The following PTPN1 variants were observed in gnomAD, a reference collection of about 807,000 sequenced individuals.
PTPN1 encodes the protein protein tyrosine phosphatase non-receptor type 1, also known as tyrosine-protein phosphatase non-receptor type 1.
PTPN1 carries 12 observed loss-of-function variants against 59.9 expected under a neutral mutation model. The observed-to-expected ratio is 0.20, with a 90% CI of 0.13 to 0.32. The LOEUF is 0.32. Among genes scored for constraint, PTPN1 ranks in the 10% least tolerant of loss-of-function variants. The pLI, the probability that PTPN1 is intolerant of heterozygous loss-of-function variation, is 1.00. For synonymous variants in PTPN1, 178 were observed against 203.6 expected (o/e 0.87, Z 1.07); for missense variants, 356 against 549.2 (o/e 0.65, Z 3.52).
intron 1 of PTPN1, among the ~76,000 whole-genome samples, chr20:50,537,578 C>T (rs2082629612): frequency 6.6e-6 from 1 of 152,132 alleles, no homozygotes; most frequent in Non-Finnish European, 1.5e-5. Context: ...TGATTCAATT[C>T]TAGGTTGTTT....
chr20:50,567,056 G>A (rs1207155950), intron 3 of PTPN1, among the ~76,000 whole-genome samples: 1 of 152,218 alleles, frequency 6.6e-6, no homozygotes. Flanking sequence ...ATGAGCTCAG[G>A]AAAGAAAGTG....
At chr20:50,578,763 T>TAATAA in intron 6 of PTPN1, 134 bp downstream of exon 6, 2 of 757,608 alleles carry the variant, frequency 2.6e-6, no homozygotes, top group South Asian at 3.7e-5. Context: ...TTTGCGTTAC[T>TAATAA]AATAAAGGCG....
At chr20:50,572,398 C>T (rs1026926300) in intron 4 of PTPN1, 1 of 152,214 alleles carries the variant, frequency 6.6e-6, no homozygotes, top group Non-Finnish European at 1.5e-5. Flanking sequence ...TTGCTGTAGA[C>T]ACCTGAGAGT....
chr20:50,576,089 C>T (rs2082835387), intron 5 of PTPN1, among the ~76,000 whole-genome samples: 1 of 152,186 alleles, frequency 6.6e-6, no homozygotes, highest in African/African-American at 2.4e-5. Context: ...CCGGAGTCAC[C>T]AGCCCTGCCA....
intron 1 of PTPN1, among the ~76,000 whole-genome samples, chr20:50,525,877 A>C (rs2082572939): frequency 6.6e-6 from 1 of 152,176 alleles, no homozygotes; most frequent in Admixed American, 6.5e-5. Flanking sequence ...GCTCCTTGAC[A>C]GAATCACTGA....
chr20:50,533,100 AT>A (rs1203028234), intron 1 of PTPN1, among the ~76,000 whole-genome samples: 10 of 150,066 alleles, frequency 6.7e-5, no homozygotes, highest in Non-Finnish European at 1.5e-4. Context: ...GACTCTCCTG[AT>A]TTTGAAATAA....
At chr20:50,532,164 C>A (rs2082604299) in intron 1 of PTPN1, among the ~76,000 whole-genome samples, 1 of 152,188 alleles carries the variant, frequency 6.6e-6, no homozygotes, top group African/African-American at 2.4e-5. Context: ...ACTACAATGG[C>A]CTGCAAAATA....
intron 6 of PTPN1, among the ~76,000 whole-genome samples, 191 bp downstream of exon 6, chr20:50,578,820 C>T (rs1352710456): frequency 6.6e-6 from 1 of 152,196 alleles, no homozygotes; most frequent in Non-Finnish European, 1.5e-5. Flanking sequence ...TAACTGGCTC[C>T]CGGTTCTGCA....
chr20:50,564,879 A>G, intron 2 of PTPN1, 90 bp from the exon 3 acceptor site: 2 of 1,568,478 alleles, frequency 1.3e-6, no homozygotes, highest in Non-Finnish European at 1.7e-6. Context: ...AATGCCACCA[A>G]CTCACCTTTG....
chr20:50,578,099 T>C (rs995738446), intron 5 of PTPN1: 9 of 220,124 alleles, frequency 4.1e-5, no homozygotes, highest in African/African-American at 1.8e-4. Context: ...CCCAGCATCA[T>C]TGTGACTCGT....
intron 1 of PTPN1, among the ~76,000 whole-genome samples, chr20:50,542,683 T>C (rs2082658038): frequency 6.6e-6 from 1 of 152,234 alleles, no homozygotes; most frequent in African/African-American, 2.4e-5. Context: ...TATATAGTTG[T>C]AGTTGTGGCT....
chr20:50,529,477 A>C (rs2082591331), intron 1 of PTPN1, among the ~76,000 whole-genome samples: 1 of 152,176 alleles, frequency 6.6e-6, no homozygotes, highest in Admixed American at 6.5e-5. Context: ...TTTCCTAAGT[A>C]ATTTGTCTTT....
At chr20:50,571,842 T>A (rs1218751403) in intron 4 of PTPN1, 3 of 152,208 alleles carry the variant, frequency 2.0e-5, no homozygotes, top group African/African-American at 7.2e-5. Context: ...TGAGTTTAAT[T>A]GGCCATTGCA....
At chr20:50,561,098 C>T (rs997745366) in intron 1 of PTPN1, among the ~76,000 whole-genome samples, 1 of 152,128 alleles carries the variant, frequency 6.6e-6, no homozygotes, top group Non-Finnish European at 1.5e-5. Flanking sequence ...CATGCCTTTG[C>T]TGTGCAGGGT....
chr20:50,555,348 A>G (rs1446650276), intron 1 of PTPN1, among the ~76,000 whole-genome samples: 2 of 152,216 alleles, frequency 1.3e-5, no homozygotes, highest in Admixed American at 6.5e-5. Flanking sequence ...TGTGAACAAT[A>G]CAAAGCAGAC....
At chr20:50,527,801 C>T (rs1252393912) in intron 1 of PTPN1, among the ~76,000 whole-genome samples, 12 of 152,090 alleles carry the variant, frequency 7.9e-5, no homozygotes, top group African/African-American at 2.9e-4. Context: ...CTATTTTTTC[C>T]TTTTCTTTTA....
chr20:50,577,032 G>A (rs974684178), intron 5 of PTPN1, among the ~76,000 whole-genome samples: 9 of 152,116 alleles, frequency 5.9e-5, no homozygotes, highest in Admixed American at 2.6e-4. Flanking sequence ...GAATTGCCTA[G>A]TGTGAGTCTA....
At chr20:50,575,258 C>T (rs1298018788) in intron 5 of PTPN1, among the ~76,000 whole-genome samples, 1 of 152,196 alleles carries the variant, frequency 6.6e-6, no homozygotes, top group African/African-American at 2.4e-5. Context: ...TCATGTCATT[C>T]TGGGGAACAG....
chr20:50,546,025 G>A (rs533020272), intron 1 of PTPN1, among the ~76,000 whole-genome samples: 10 of 152,100 alleles, frequency 6.6e-5, no homozygotes, highest in Non-Finnish European at 1.2e-4. Flanking sequence ...GTGACAGAGC[G>A]AGACAGGTCC....
Sources: gnomAD v4.1 joint callset for allele counts (sites outside exome capture counted in the v4.1 genomes callset) on GRCh38, gnomAD v4.1.1 for gene constraint, MANE v1.5 for transcripts, NCBI Gene and HGNC (gene_info 2026-07-23, HGNC 2026-07-21) for gene names.